The following SOX5 variants were observed in gnomAD, a reference collection of about 807,000 sequenced individuals.
SOX5 encodes the protein SRY-box transcription factor 5.
Under a neutral mutation model 92.0 loss-of-function variants are expected in SOX5, and 9 were observed. The observed-to-expected ratio is 0.10, with a 90% CI of 0.06 to 0.17. The LOEUF (loss-of-function observed/expected upper bound fraction) is 0.17. Ranked by LOEUF, SOX5 falls within the 10% of genes least tolerant of loss-of-function variation. The probability of loss-of-function intolerance (pLI) is 1.00; values close to 1 mark genes in which losing one functional copy is unlikely to be tolerated. For synonymous variants in SOX5, 344 were observed against 336.3 expected (o/e 1.02, Z -0.25); for missense variants, 642 against 944.5 (o/e 0.68, Z 4.20).
At chr12:23,775,332 A>G (rs892948363) in intron 3 of SOX5, among the ~76,000 whole-genome samples, 2 of 152,204 alleles carry the variant, frequency 1.3e-5, no homozygotes, top group African/African-American at 4.8e-5. Flanking sequence ...CCTCAGAGGA[A>G]ACTGAAACTT....
chr12:24,542,876 T>A (rs1253846403), intron 1 of SOX5, among the ~76,000 whole-genome samples: 4 of 152,220 alleles, frequency 2.6e-5, no homozygotes, highest in African/African-American at 4.8e-5. Context: ...TCTCCTCCAT[T>A]TTTAATAAAT....
chr12:24,182,355 T>C (rs1955584735), intron 4 of SOX5, among the ~76,000 whole-genome samples: 1 of 152,114 alleles, frequency 6.6e-6, no homozygotes, highest in African/African-American at 2.4e-5. Context: ...GCAAGAACAC[T>C]TAACTACCTA....
intron 3 of SOX5, among the ~76,000 whole-genome samples, chr12:24,247,413 C>T (rs561649987): frequency 8.5e-5 from 13 of 152,154 alleles, no homozygotes; most frequent in African/African-American, 3.1e-4. Context: ...ACTAGGAGTT[C>T]TTGCAGCACA....
At chr12:24,331,541 A>G (rs556416225) in intron 2 of SOX5, 1 of 152,316 alleles carries the variant, frequency 6.6e-6, no homozygotes, top group East Asian at 1.9e-4. Context: ...TTGGAGAACC[A>G]AAAGAACCCA....
At chr12:24,094,424 G>A (rs1010001728) in intron 4 of SOX5, among the ~76,000 whole-genome samples, 9 of 145,126 alleles carry the variant, frequency 6.2e-5, no homozygotes, top group Non-Finnish European at 1.1e-4. Flanking sequence ...TTTTTTGGTG[G>A]CTTTTCCAAT....
chr12:24,504,431 CACCGATAAATTTTTTA>C (rs1948522488), intron 1 of SOX5, among the ~76,000 whole-genome samples: 1 of 152,142 alleles, frequency 6.6e-6, no homozygotes, highest in Non-Finnish European at 1.5e-5. Flanking sequence ...ATACCTAATT[CACCGATAAATTTTTTA>C]AGAGAAAAAG....
At chr12:24,220,537 A>T (rs1960157741) in intron 3 of SOX5, among the ~76,000 whole-genome samples, 2 of 152,212 alleles carry the variant, frequency 1.3e-5, no homozygotes, top group Admixed American at 1.3e-4. Flanking sequence ...GGGCTATTAA[A>T]TAAAGTGACA....
chr12:24,253,662 T>C (rs1940604327), intron 3 of SOX5, among the ~76,000 whole-genome samples: 1 of 152,136 alleles, frequency 6.6e-6, no homozygotes, highest in Non-Finnish European at 1.5e-5. Flanking sequence ...GTGGCGCACA[T>C]TGTAAAGTGA....
intron 1 of SOX5, among the ~76,000 whole-genome samples, chr12:24,417,715 C>G (rs1218911780): frequency 1.3e-5 from 2 of 152,118 alleles, no homozygotes; most frequent in African/African-American, 2.4e-5. Flanking sequence ...TTTTTAGGAG[C>G]AGGAATAATC....
chr12:23,766,902 T>C (rs59861662), intron 3 of SOX5, among the ~76,000 whole-genome samples: 19,976 of 152,086 alleles, frequency 0.13, 1,471 homozygotes, highest in African/African-American at 0.18. Flanking sequence ...AGATTTTGCA[T>C]AACTCTTAAA....
chr12:24,181,472 C>T (rs1335108848), intron 4 of SOX5, among the ~76,000 whole-genome samples: 1 of 152,178 alleles, frequency 6.6e-6, no homozygotes, highest in Non-Finnish European at 1.5e-5. Flanking sequence ...CATAGATTCT[C>T]TTCTTTTGCC....
At chr12:24,418,516 G>A (rs1965401424) in intron 1 of SOX5, among the ~76,000 whole-genome samples, 1 of 152,156 alleles carries the variant, frequency 6.6e-6, no homozygotes, top group African/African-American at 2.4e-5. Context: ...GGAAGAGATG[G>A]TCTCTTTCCC....
chr12:23,855,104 TTAG>T (rs1212439053), intron 2 of SOX5, among the ~76,000 whole-genome samples: 1 of 151,932 alleles, frequency 6.6e-6, no homozygotes, highest in East Asian at 1.9e-4. Context: ...AAAAAACATA[TTAG>T]GAGGAGAAAA....
At chr12:23,643,841 A>G (rs1220689000) in intron 7 of SOX5, among the ~76,000 whole-genome samples, 4 of 152,150 alleles carry the variant, frequency 2.6e-5, no homozygotes, top group Non-Finnish European at 5.9e-5. Flanking sequence ...AAAGAAAGGA[A>G]TTGGAGGCAG....
Position 23,546,431 on chromosome 12 carries a change from A to G in SOX5, c.1489-7T>C. 1 of 1,498,516 alleles carries G rather than the reference A, an allele frequency of 6.7e-7. No homozygotes were observed. Among genetic ancestry groups the G allele is most frequent in the Non-Finnish European group, 9.3e-7 (1 of 1,080,298 alleles). The allele number at this position is 1,498,516 out of a possible 1,614,324, so 92.8% of individuals were successfully genotyped here. A position where few individuals can be genotyped will look rare whatever the true frequency, so the allele number is the denominator to read the frequency against. The stretch of plus-strand genomic sequence containing the variant: ...TCTCCAGTGTTGTTTTTTCCTTTAA[A>G]AAAATTATAATGAGAGATCAGTCTA... On this transcript the variant is annotated splice_region_variant and splice_polypyrimidine_tract_variant and intron_variant, in intron 11 of 14. Coordinates refer to ENST00000451604, the MANE Select transcript of SOX5 (RefSeq NM_006940.6).
intron 13 of SOX5, among the ~76,000 whole-genome samples, 191 bp from the exon 14 acceptor site, chr12:23,536,860 C>G (rs1047216760): frequency 4.6e-5 from 7 of 151,948 alleles, no homozygotes; most frequent in African/African-American, 1.5e-4. Context: ...GATATAAACA[C>G]TGGGCAGTAT....
In SOX5 at chr12:24,555,763, G is replaced by C. The variant is rs557698728; in HGVS notation, c.-251+6566C>G. 3.9e-5 allele frequency among the ~76,000 whole-genome samples: 6 copies of C among 152,292 alleles called. No homozygotes were observed. In the East Asian group the frequency reaches 7.7e-4, roughly 20 times the overall value. On this transcript the variant is annotated intron_variant, in intron 1 of 4. Transcript: ENST00000446891. ...TGTGTGAGTGTGTGTGTGTGACAGAGAGACAGAAAAAGACAGAGTCCAAAG... is the reference window on the plus strand; with the variant it reads ...TGTGTGAGTGTGTGTGTGTGACAGACAGACAGAAAAAGACAGAGTCCAAAG...
At chr12:23,717,405 T>C (rs540091981) in intron 6 of SOX5, among the ~76,000 whole-genome samples, 5 of 152,310 alleles carry the variant, frequency 3.3e-5, no homozygotes, top group East Asian at 1.9e-4. Context: ...CCCTCAACCA[T>C]AATTTTTTTT....
chr12:24,364,038 A>C (rs544950499), intron 2 of SOX5, among the ~76,000 whole-genome samples: 1 of 152,222 alleles, frequency 6.6e-6, no homozygotes, highest in South Asian at 2.1e-4. Context: ...AAGATTATTT[A>C]GATTAGATGC....
Sources: allele counts gnomAD v4.1 joint callset (sites outside exome capture counted in the v4.1 genomes callset), GRCh38; gene constraint gnomAD v4.1.1; transcripts MANE v1.5; gene names NCBI Gene and HGNC (gene_info 2026-07-23, HGNC 2026-07-21).